NPEPPS: variants seen among roughly 807,000 people sequenced by gnomAD.
The protein encoded by NPEPPS is aminopeptidase puromycin sensitive.
In NPEPPS, 14 loss-of-function variants were observed where a neutral mutation model predicts 115.5. The ratio of observed to expected loss-of-function variants is 0.12; its 90% CI spans 0.08 to 0.19. The LOEUF is 0.19. NPEPPS is among the 10% of genes least tolerant of loss of function. The probability of loss-of-function intolerance (pLI) is 1.00; values close to 1 mark genes in which losing one functional copy is unlikely to be tolerated. For missense variants in NPEPPS, 523 were observed against 1,110.8 expected, an observed-to-expected ratio of 0.47 and a Z score of 7.52; for synonymous variants, 285 against 390.6, an observed-to-expected ratio of 0.73 and a Z score of 3.19.
intron 2 of NPEPPS, among the ~76,000 whole-genome samples, chr17:47,551,008 G>A (rs1286109739): frequency 7.9e-5 from 12 of 152,132 alleles, no homozygotes; most frequent in African/African-American, 2.9e-4. Context: ...AGACTATTTA[G>A]CTTTGTTACA....
At chr17:47,608,741 A>G (rs1042846573) in intron 17 of NPEPPS, among the ~76,000 whole-genome samples, 1 of 152,226 alleles carries the variant, frequency 6.6e-6, no homozygotes, top group Non-Finnish European at 1.5e-5. Flanking sequence ...CCAGTGAGGT[A>G]GAAGGAGAGC....
chr17:47,536,180 G>A (rs1291464930), intron 1 of NPEPPS, among the ~76,000 whole-genome samples: 1 of 151,976 alleles, frequency 6.6e-6, no homozygotes, highest in Non-Finnish European at 1.5e-5. Flanking sequence ...GAGAAACTAA[G>A]TTTATCATTC....
intron 2 of NPEPPS, chr17:47,559,655 G>C (rs1910300312): frequency 2.2e-6 from 1 of 455,580 alleles, no homozygotes; most frequent in Middle Eastern, 3.3e-4. Context: ...CATTCCACTT[G>C]TGGACTGCTT....
intron 2 of NPEPPS, among the ~76,000 whole-genome samples, chr17:47,562,763 TA>T (rs1269959031): frequency 6.8e-6 from 1 of 146,116 alleles, no homozygotes; most frequent in Non-Finnish European, 1.5e-5. Context: ...TTAGTTAATT[TA>T]AAAAAAAGTT....
chr17:47,619,299 A>G, intron 21 of NPEPPS, 135 bp downstream of exon 21: 1 of 875,658 alleles, frequency 1.1e-6, no homozygotes, highest in Non-Finnish European at 1.8e-6. Flanking sequence ...CACGCCTGTA[A>G]TACCAGCACT....
chr17:47,568,219 A>C lies in NPEPPS; in HGVS notation c.341-1198A>C, dbSNP rs577260649. 3.3e-3 allele frequency among the ~76,000 whole-genome samples: 500 copies of C among 149,896 alleles called. 2 individuals carry two copies. Among genetic ancestry groups the C allele is most frequent in the African/African-American group, 0.012 (468 of 40,674 alleles). On this transcript the variant is annotated intron_variant, in intron 2 of 22. Transcript: ENST00000322157. ...CGCTCTGTCGCCCAGGCTGGAGTAC[A>C]GTGGCACAATCTCGGCTCACTGCAA...
chr17:47,562,632 GTA>G (rs765040166), intron 2 of NPEPPS, among the ~76,000 whole-genome samples: 4,559 of 143,004 alleles, frequency 0.032, 74 homozygotes, highest in South Asian at 0.047. Context: ...GTGTGTGTGT[GTA>G]TATGTGTGTG....
At chr17:47,570,403 T>C (rs1385640136) in intron 3 of NPEPPS, among the ~76,000 whole-genome samples, 3 of 152,140 alleles carry the variant, frequency 2.0e-5, no homozygotes, top group Admixed American at 2.0e-4. Context: ...GCCTGGGTGA[T>C]AGAGTGGGAC....
Position 47,612,514 on chromosome 17 carries a change from G to A in NPEPPS, c.2150G>A (p.Gly717Glu). ...GTTCTGGGAAAACTAGGAAAAGCAG[G>A]ACATAAGGCAACGTTAGAAGAAGCC... ...GLVLGKLGKA[G>E]HKATLEEARR... Residue 717 changes from glycine to glutamate, a missense_variant, in exon 18 of 23, where the codon GGA (glycine) becomes GAA (glutamate). Physicochemically the swap from Gly to Glu is moderately conservative, Grantham distance 98 (BLOSUM62 -2). Around this residue, in one of 4 missense-constraint regions of NPEPPS, gnomAD observed 372 missense variants for 542.6 expected, o/e 0.69. Coordinates refer to ENST00000322157, the MANE Select transcript of NPEPPS (RefSeq NM_006310.4). 6.2e-7 allele frequency: 1 copy of A among 1,613,938 alleles called. No individual in the cohort carries two copies. The highest frequency in any genetic ancestry group is 8.5e-7 in the Non-Finnish European group (1 of 1,179,892).
At chr17:47,548,619 A>C (rs1597824657) in intron 2 of NPEPPS, among the ~76,000 whole-genome samples, 3 of 115,846 alleles carry the variant, frequency 2.6e-5, no homozygotes, top group African/African-American at 1.0e-4. Context: ...TTTGAGATGG[A>C]GTCTCGCTCT....
At chr17:47,575,619 T>TA (rs57343041) in intron 3 of NPEPPS, among the ~76,000 whole-genome samples, 1 of 148,434 alleles carries the variant, frequency 6.7e-6, no homozygotes, top group Non-Finnish European at 1.5e-5. Context: ...TTATTATTAT[T>TA]TTTGAGATGG....
chr17:47,574,269 G>A (rs1217963835), intron 3 of NPEPPS, among the ~76,000 whole-genome samples: 1 of 151,850 alleles, frequency 6.6e-6, no homozygotes, highest in Non-Finnish European at 1.5e-5. Flanking sequence ...GAAGTGAGGG[G>A]CAGAAATATT....
At chr17:47,538,333 G>C (rs189964222) in intron 1 of NPEPPS, among the ~76,000 whole-genome samples, 2 of 145,904 alleles carry the variant, frequency 1.4e-5, no homozygotes, top group East Asian at 4.1e-4. Flanking sequence ...TTCTGCCTCA[G>C]CCTCCCTAGT....
At position 47,622,601 on chromosome 17, in the gene NPEPPS, C is replaced by T. The variant is rs1181875507; in HGVS notation, c.*681C>T. 7.6e-6 allele frequency: 2 copies of T among 263,220 alleles called. No homozygotes were observed. Among genetic ancestry groups the T allele is most frequent in the Non-Finnish European group, 1.5e-5 (2 of 136,630 alleles). 16.3% of individuals were successfully genotyped at this position (263,220 alleles called of 1,614,324 possible). A position where few individuals can be genotyped will look rare whatever the true frequency, so the allele number is the denominator to read the frequency against. ...AACCTACCCTGTTCTGGTTTTTTTC[C>T]TCCCTTTAGTTCCACCCCCAACCCC... is the stretch of plus-strand genomic sequence containing the variant. On this transcript the variant is annotated 3_prime_UTR_variant, in exon 23 of 23. Coordinates refer to ENST00000322157, the MANE Select transcript of NPEPPS (RefSeq NM_006310.4).
In NPEPPS at chr17:47,552,622, G is replaced by A. The variant is rs115035043; in HGVS notation, c.340+6629G>A. ...ATTTTGTCTTAGTTATATTTGGTAA[G>A]TTTTAAAACATTATTTAAATAGCCT... On this transcript the variant is annotated intron_variant, in intron 2 of 22. Coordinates refer to ENST00000322157, the MANE Select transcript of NPEPPS (RefSeq NM_006310.4). 2.6e-3 allele frequency among the ~76,000 whole-genome samples: 391 copies of A among 152,268 alleles called. 1 individual carries two copies. Among genetic ancestry groups the A allele is most frequent in the African/African-American group, 9.1e-3 (379 of 41,554 alleles).
chr17:47,523,787 C>T (rs1412276010), intron 1 of NPEPPS, among the ~76,000 whole-genome samples: 1 of 152,090 alleles, frequency 6.6e-6, no homozygotes, highest in Admixed American at 6.6e-5. Flanking sequence ...TTGAGATAAG[C>T]GTGCATTATG....
intron 1 of NPEPPS, among the ~76,000 whole-genome samples, chr17:47,545,511 A>G (rs1186518184): frequency 1.3e-5 from 2 of 152,086 alleles, no homozygotes; most frequent in Admixed American, 1.3e-4. Context: ...ATTTTAAAAA[A>G]TTGACTGTGA....
upstream of NPEPPS, among the ~76,000 whole-genome samples, chr17:47,530,804 C>G (rs1310044227): frequency 3.9e-5 from 6 of 152,258 alleles, no homozygotes; most frequent in Non-Finnish European, 7.4e-5. Context: ...GTATTTTATG[C>G]ATGCGACCCT....
chr17:47,542,336 C>T (rs541053507), intron 1 of NPEPPS, among the ~76,000 whole-genome samples: 13 of 152,062 alleles, frequency 8.5e-5, no homozygotes, highest in African/African-American at 2.7e-4. Context: ...CACCTGAGGT[C>T]GGGAGTTTGA....
Sources: allele counts gnomAD v4.1 joint callset (sites outside exome capture counted in the v4.1 genomes callset), GRCh38; gene constraint gnomAD v4.1.1; regional missense constraint gnomAD v4.1.1; transcripts MANE v1.5; gene names NCBI Gene and HGNC (gene_info 2026-07-23, HGNC 2026-07-21).